The following PHIP variants were observed in gnomAD, a reference collection of about 807,000 sequenced individuals.
The protein encoded by PHIP is PH-interacting protein.
Under a neutral mutation model 236.8 loss-of-function variants are expected in PHIP, and 54 were observed. The observed-to-expected ratio is 0.23, with a 90% confidence interval of 0.18 to 0.29. The LOEUF (loss-of-function observed/expected upper bound fraction) is 0.29, where lower values mean the gene tolerates loss of function less well. PHIP is among the 10% of genes least tolerant of loss of function. The pLI, the probability that PHIP is intolerant of heterozygous loss-of-function variation, is 1.00. For synonymous variants in PHIP, 756 were observed against 718.9 expected, an observed-to-expected ratio of 1.05 and a Z score of -0.83; for missense variants, 1,370 against 2,190.8, an observed-to-expected ratio of 0.63 and a Z score of 7.48.
At chr6:79,057,442 AGG>A (rs1773129500) in intron 6 of PHIP, among the ~76,000 whole-genome samples, 1 of 152,168 alleles carries the variant, frequency 6.6e-6, no homozygotes, top group South Asian at 2.1e-4. Flanking sequence ...AAACTGCATG[AGG>A]GGTATACAGG....
rs776055990 is a variant in PHIP, at chr6:79,060,566, A to G, written c.351T>C (p.His117=). The change falls in exon 6 of 40, where the codon CAT becomes CAC. Residue 117 remains histidine (H), a synonymous_variant. Coordinates refer to ENST00000275034, the MANE Select transcript of PHIP (RefSeq NM_017934.7). ...SLLRTNKSCK[H]VVWKGSALAA... ...CCAGAGCAGATCCTTTCCACACAAC[A>G]TGCTTGCAGCCTATTAAACACATGT... 11 of 1,613,528 alleles carry G rather than the reference A, an allele frequency of 6.8e-6. No individual in the cohort carries two copies. The highest frequency in any genetic ancestry group is 8.5e-7 in the Non-Finnish European group (1 of 1,179,762).
At chr6:79,045,452 T>C (rs1347451804) in intron 6 of PHIP, among the ~76,000 whole-genome samples, 2 of 152,142 alleles carry the variant, frequency 1.3e-5, no homozygotes, top group African/African-American at 2.4e-5. Context: ...CTATCTCTCC[T>C]ATCAGATCTT....
chr6:79,017,420 C>G (rs750239983), intron 11 of PHIP, 34 bp from the exon 12 acceptor site: 1 of 1,587,570 alleles, frequency 6.3e-7, no homozygotes, highest in African/African-American at 1.4e-5. Flanking sequence ...AAAGTGGGTG[C>G]TGAATATAAA....
intron 34 of PHIP, 36 bp from the exon 35 acceptor site, chr6:78,954,999 G>T (rs760241407): frequency 7.0e-7 from 1 of 1,423,476 alleles, no homozygotes; most frequent in Non-Finnish European, 9.4e-7. Context: ...TAATAAAAGA[G>T]CACTTACACA....
rs763720503 is a variant in PHIP, at chr6:78,940,736, C to T, written c.5423G>A (p.Arg1808Gln). 2 of 1,612,626 alleles carry T rather than the reference C, an allele frequency of 1.2e-6. No homozygotes were observed. Among genetic ancestry groups the T allele is most frequent in the South Asian group, 1.1e-5 (1 of 90,968 alleles). Residue 1808 changes from arginine to glutamine, a missense_variant, in exon 40 of 40, where the codon CGA becomes CAA. Transcript: ENST00000275034. ...AGCTTTTGCTTTTTCAGTCAACTTTCGGACTCGTCCTCTACTAGAAGTTCC... is the reference window on the plus strand; with the variant it reads ...AGCTTTTGCTTTTTCAGTCAACTTTTGGACTCGTCCTCTACTAGAAGTTCC... ...TFGTSSRGRV[R>Q]KLTEKAKANL... is the part of the protein sequence containing the mutation.
intron 4 of PHIP, among the ~76,000 whole-genome samples, chr6:79,063,213 T>C (rs1430881479): frequency 6.6e-6 from 1 of 152,202 alleles, no homozygotes; most frequent in East Asian, 1.9e-4. Flanking sequence ...TACCTCTGTC[T>C]ACCCAATACC....
chr6:79,027,454 G>A (rs181144917), intron 7 of PHIP, among the ~76,000 whole-genome samples: 12 of 152,080 alleles, frequency 7.9e-5, no homozygotes, highest in Non-Finnish European at 1.5e-4. Context: ...TATAAAATAC[G>A]GAGGTTAAAA....
At position 78,938,473 on chromosome 6, in the gene PHIP, ATTT is replaced by A. The variant is rs910378955; in HGVS notation, c.*2217_*2219del. On this transcript the variant is annotated 3_prime_UTR_variant, in exon 40 of 40. Coordinates refer to ENST00000275034, the MANE Select transcript of PHIP (RefSeq NM_017934.7). ...ACAAAAATTGATTTTATAGCCTATT[ATTT>A]TTTTCTTAACACAATGCAGATAACA... 6.6e-6 allele frequency: 1 copy of A among 151,564 alleles called. No individual in the cohort carries two copies. Among genetic ancestry groups the A allele is most frequent in the Non-Finnish European group, 1.5e-5 (1 of 67,606 alleles). The allele number at this position is 151,564 out of a possible 1,614,324, so 9.4% of individuals were successfully genotyped here.
intron 15 of PHIP, chr6:79,004,466 CA>C: frequency 1.1e-6 from 1 of 948,596 alleles, no homozygotes; most frequent in Non-Finnish European, 1.3e-6. Flanking sequence ...GGCCAATCAC[CA>C]CTCTGAATTT....
At chr6:78,982,857 C>T (rs1768628772) in intron 23 of PHIP, 29 bp downstream of exon 23, 1 of 1,388,716 alleles carries the variant, frequency 7.2e-7, no homozygotes. Context: ...CTCTAGAAAA[C>T]ACCAAATTTG....
chr6:79,075,890 C>T (rs9352691), intron 4 of PHIP, among the ~76,000 whole-genome samples: 53,809 of 151,878 alleles, frequency 0.35, 10,438 homozygotes, highest in East Asian at 0.69. Flanking sequence ...ATAATTTTTT[C>T]AAATATCAAG....
intron 22 of PHIP, 107 bp from the exon 23 acceptor site, chr6:78,983,224 T>C: frequency 1.9e-6 from 1 of 517,582 alleles, no homozygotes; most frequent in Non-Finnish European, 3.2e-6. Context: ...ACAGAACAAA[T>C]ACTTAAACTA....
intron 39 of PHIP, among the ~76,000 whole-genome samples, chr6:78,942,744 C>T (rs2127679238): frequency 6.6e-6 from 1 of 152,230 alleles, no homozygotes; most frequent in Admixed American, 6.5e-5. Flanking sequence ...TTCTAAATAT[C>T]CAGTACATGT....
At chr6:78,946,927 G>C in intron 36 of PHIP, 53 bp from the exon 37 acceptor site, 2 of 1,112,242 alleles carry the variant, frequency 1.8e-6, no homozygotes, top group Non-Finnish European at 2.6e-6. Context: ...AAATACCTTT[G>C]TTCAGTAAAT....
chr6:78,999,988 CATTT>C (rs1426495635), intron 17 of PHIP, among the ~76,000 whole-genome samples: 2 of 151,884 alleles, frequency 1.3e-5, no homozygotes, highest in Non-Finnish European at 2.9e-5. Flanking sequence ...GAAAAAAACA[CATTT>C]AAAGTATGTT....
intron 4 of PHIP, among the ~76,000 whole-genome samples, chr6:79,074,989 A>G (rs1774076746): frequency 1.3e-5 from 2 of 152,284 alleles, no homozygotes; most frequent in African/African-American, 2.4e-5. Context: ...TAATACAACA[A>G]ATCATTTCCA....
chr6:78,943,990 T>TCAAA (rs1491455481), intron 39 of PHIP, among the ~76,000 whole-genome samples: 2 of 78,144 alleles, frequency 2.6e-5, no homozygotes, highest in African/African-American at 5.2e-5. Flanking sequence ...TGTCTTTTTT[T>TCAAA]AAAAAAAAAA....
chr6:78,951,226 T>C (rs1774124067), intron 35 of PHIP, among the ~76,000 whole-genome samples: 1 of 152,188 alleles, frequency 6.6e-6, no homozygotes, highest in Non-Finnish European at 1.5e-5. Context: ...ATATTTTGGT[T>C]AATGTAAATT....
intron 4 of PHIP, among the ~76,000 whole-genome samples, chr6:79,071,591 T>A (rs1379366876): frequency 1.3e-5 from 2 of 151,660 alleles, no homozygotes; most frequent in Non-Finnish European, 2.9e-5. Flanking sequence ...CTGTTAAAAA[T>A]TTTTTTCTAA....
Sources: gnomAD v4.1 joint callset for allele counts (sites outside exome capture counted in the v4.1 genomes callset) on GRCh38, gnomAD v4.1.1 for gene constraint, MANE v1.5 for transcripts, NCBI Gene and HGNC (gene_info 2026-07-23, HGNC 2026-07-21) for gene names.